SIK2: variants seen among roughly 807,000 people sequenced by gnomAD.
The protein encoded by SIK2 is serine/threonine-protein kinase SIK2.
In SIK2, 29 loss-of-function variants were observed where a neutral mutation model predicts 103.2. That is an observed-to-expected ratio of 0.28 (90% CI 0.21 to 0.38). SIK2 has a LOEUF of 0.38. Among genes scored for constraint, SIK2 ranks in the 10% least tolerant of loss-of-function variants. The pLI is 1.00. For missense variants in SIK2, 879 were observed against 1,171.0 expected (o/e 0.75, Z 3.64); for synonymous variants, 412 against 446.1 (o/e 0.92, Z 0.96).
intron 1 of SIK2, 123 bp from the exon 2 acceptor site, chr11:111,616,120 A>C: frequency 1.6e-6 from 1 of 621,548 alleles, no homozygotes; most frequent in Middle Eastern, 4.2e-4. Context: ...ATTGAATTTA[A>C]ACTGCTATCA....
At chr11:111,719,442 A>T (rs1319094477) in intron 9 of SIK2, among the ~76,000 whole-genome samples, 7 of 148,698 alleles carry the variant, frequency 4.7e-5, no homozygotes, top group East Asian at 1.9e-4. Flanking sequence ...TCCCTTATTT[A>T]AAAAAAAATA....
At chr11:111,715,805 T>TC (rs1261978598) in intron 9 of SIK2, among the ~76,000 whole-genome samples, 1 of 142,028 alleles carries the variant, frequency 7.0e-6, no homozygotes, top group Non-Finnish European at 1.5e-5. Flanking sequence ...TTTTTTTTTT[T>TC]TTTTTTTTTT....
chr11:111,644,892 A>G (rs1942235207), intron 3 of SIK2, among the ~76,000 whole-genome samples: 1 of 152,204 alleles, frequency 6.6e-6, no homozygotes, highest in Admixed American at 6.5e-5. Context: ...GGCTGAAGTT[A>G]CTAATGGGCT....
rs530156460 is a variant in SIK2, at chr11:111,718,580, A to G, written c.1267-1195A>G. The stretch of plus-strand genomic sequence containing the variant: ...TAACCTTCCCCTCCCTGCAGCAAAC[A>G]AAGATCTGAGTCACCCTAGTCTCCT... On this transcript the variant is annotated intron_variant, in intron 9 of 14. Transcript: ENST00000304987. Among the ~76,000 whole-genome samples, 5 of 152,340 alleles carry G rather than the reference A, an allele frequency of 3.3e-5. 1 individual carries two copies. The highest frequency in any genetic ancestry group is 1.2e-4 in the African/African-American group (5 of 41,580).
intron 9 of SIK2, among the ~76,000 whole-genome samples, chr11:111,714,095 C>T (rs867997161): frequency 3.9e-5 from 6 of 152,276 alleles, no homozygotes; most frequent in African/African-American, 9.6e-5. Context: ...GATTGAAAGA[C>T]GGGTAGACCC....
intron 3 of SIK2, among the ~76,000 whole-genome samples, chr11:111,654,268 G>A (rs759254010): frequency 3.3e-5 from 5 of 152,118 alleles, no homozygotes; most frequent in Admixed American, 1.3e-4. Flanking sequence ...GAAAAAACCC[G>A]GCTGTCAGAG....
chr11:111,679,708 G>A (rs1232873737), intron 3 of SIK2, among the ~76,000 whole-genome samples: 2 of 152,126 alleles, frequency 1.3e-5, no homozygotes, highest in Non-Finnish European at 2.9e-5. Flanking sequence ...ATATCAGTGT[G>A]CTAAAAACAG....
chr11:111,719,356 CTTT>C (rs10595659), intron 9 of SIK2, among the ~76,000 whole-genome samples: 92,684 of 118,722 alleles, frequency 0.78, 36,869 homozygotes, highest in East Asian at 0.99. Flanking sequence ...GTGACTACCC[CTTT>C]TTTTTTTTTT....
In SIK2 at chr11:111,726,073, T is replaced by G. The variant is rs1943956437; in HGVS notation, c.*1944T>G. 1 of 152,252 alleles carries G rather than the reference T, an allele frequency of 6.6e-6. No individual in the cohort carries two copies. The highest frequency in any genetic ancestry group is 2.1e-4 in the South Asian group (1 of 4,830). The allele number at this position is 152,252 out of a possible 1,614,324, so 9.4% of individuals were successfully genotyped here. ...TTTAAGAGATCATTTCATTAAGATC[T>G]CTAATCTGTTTTGAGTCTTTACAAA... On this transcript the variant is annotated 3_prime_UTR_variant, in exon 15 of 15. Coordinates refer to ENST00000304987, the MANE Select transcript of SIK2 (RefSeq NM_015191.3).
Position 111,602,591 on chromosome 11 carries a change from T to G in SIK2, c.28T>G (p.Leu10Val). 1 of 1,530,684 alleles carries G rather than the reference T, an allele frequency of 6.5e-7. No individual in the cohort carries two copies. The highest frequency in any genetic ancestry group is 8.8e-7 in the Non-Finnish European group (1 of 1,138,766). The allele number at this position is 1,530,684 out of a possible 1,614,324, so 94.8% of individuals were successfully genotyped here. A position where few individuals can be genotyped will look rare whatever the true frequency, so the allele number is the denominator to read the frequency against. MVMADGPRH[L>V]QRGPVRVGFY... ...GGTCATGGCGGATGGCCCGAGGCAC[T>G]TGCAGCGCGGGCCGGTCCGGGTGGG... Residue 10 changes from leucine (L) to valine (V), a missense_variant, in exon 1 of 15, where the codon TTG (leucine) becomes GTG (valine). Transcript: ENST00000304987. The surrounding 1 kb of genome is among the most constrained non-coding windows in gnomAD (Gnocchi z 4.5).
rs564883040 is a variant in SIK2, at chr11:111,679,011, G to C, written c.317-8990G>C. ...AGAATAGAGCCTCAGTTCAAAATCA[G>C]GCTTGTCTGACTCTAGAATTTATTT... On this transcript the variant is annotated intron_variant, in intron 3 of 14. Coordinates refer to ENST00000304987, the MANE Select transcript of SIK2 (RefSeq NM_015191.3). 2.0e-5 allele frequency among the ~76,000 whole-genome samples: 3 copies of C among 152,252 alleles called. No individual in the cohort carries two copies. In the South Asian group the frequency reaches 6.2e-4, roughly 32 times the overall value.
chr11:111,676,197 A>G (rs1294059395), intron 3 of SIK2, among the ~76,000 whole-genome samples: 1 of 152,152 alleles, frequency 6.6e-6, no homozygotes, highest in African/African-American at 2.4e-5. Context: ...CACTTCTGCT[A>G]TTGTGATTAG....
chr11:111,676,415 C>T (rs1565348363), intron 3 of SIK2, among the ~76,000 whole-genome samples: 1 of 152,234 alleles, frequency 6.6e-6, no homozygotes, highest in Non-Finnish European at 1.5e-5. Context: ...ACAGCCTTGC[C>T]AGCATCTCTT....
intron 4 of SIK2, among the ~76,000 whole-genome samples, chr11:111,694,595 A>T (rs1165946110): frequency 7.9e-5 from 12 of 152,222 alleles, no homozygotes; most frequent in South Asian, 2.1e-4. Context: ...AATATTTTTT[A>T]AAAATTTTTA....
chr11:111,693,689 A>G (rs1247336780), intron 4 of SIK2, among the ~76,000 whole-genome samples: 1 of 152,244 alleles, frequency 6.6e-6, no homozygotes, highest in African/African-American at 2.4e-5. Context: ...TACTGAGTTG[A>G]GTAGCAGTGC....
In SIK2 at chr11:111,712,262, C is replaced by T. The variant is rs573163507; in HGVS notation, c.1153C>T (p.Leu385=). ...CATGCATTCACCGAACATGAGGCTG[C>T]TGCGATCTGCCCTCCTCCCCCAGGC... ...VTMHSPNMRL[L]RSALLPQASN... Residue 385 remains leucine (L), a synonymous_variant, in exon 9 of 15, where the codon CTG becomes TTG. Transcript: ENST00000304987. 6.2e-7 allele frequency: 1 copy of T among 1,614,228 alleles called. No homozygotes were observed. The highest frequency in any genetic ancestry group is 2.2e-5 in the East Asian group (1 of 44,882).
At chr11:111,681,776 T>TA (rs919238117) in intron 3 of SIK2, among the ~76,000 whole-genome samples, 3 of 152,290 alleles carry the variant, frequency 2.0e-5, no homozygotes, top group African/African-American at 4.8e-5. Flanking sequence ...AGGAATCAAT[T>TA]AAAAAATCAC....
chr11:111,715,292 G>A (rs1943607557), intron 9 of SIK2, among the ~76,000 whole-genome samples: 1 of 151,950 alleles, frequency 6.6e-6, no homozygotes, highest in Admixed American at 6.5e-5. Flanking sequence ...TCTTTCTTGG[G>A]GCCCATAAAT....
intron 8 of SIK2, among the ~76,000 whole-genome samples, chr11:111,707,247 G>A (rs895164020): frequency 3.3e-5 from 5 of 152,176 alleles, no homozygotes; most frequent in Middle Eastern, 3.2e-3. Flanking sequence ...TAAACATTAC[G>A]CAAGTGAGGG....
Sources: gnomAD v4.1 joint callset for allele counts (sites outside exome capture counted in the v4.1 genomes callset) on GRCh38, gnomAD v4.1.1 for gene constraint, Gnocchi (gnomAD v3.1) non-coding constraint, MANE v1.5 for transcripts, NCBI Gene and HGNC (gene_info 2026-07-23, HGNC 2026-07-21) for gene names.